The following DMD variants were observed in gnomAD, a reference collection of about 807,000 sequenced individuals.
The protein encoded by DMD is mutant dystrophin.
A neutral mutation model predicts 330.1 loss-of-function variants in DMD; 63 were observed. The observed-to-expected ratio is 0.19, with a 90% CI of 0.16 to 0.24. DMD has a LOEUF of 0.24. Among genes scored for constraint, DMD ranks in the 10% least tolerant of loss-of-function variants. The pLI, the probability that DMD is intolerant of heterozygous loss-of-function variation, is 1.00. For synonymous variants in DMD, 1,223 were observed against 959.8 expected (o/e 1.27, Z -5.07); for missense variants, 3,344 against 2,684.1 (o/e 1.25, Z -5.43).
intron 2 of DMD, among the ~76,000 whole-genome samples, chrX:32,974,483 C>T (rs985317926): frequency 3.6e-5 from 4 of 111,252 alleles, no homozygotes; most frequent in African/African-American, 1.3e-4. Flanking sequence ...TAACAAAATC[C>T]CCAGGATATC....
chrX:32,797,556 T>C (rs1569524018), intron 7 of DMD, among the ~76,000 whole-genome samples: 1 of 112,230 alleles, frequency 8.9e-6, no homozygotes, highest in Non-Finnish European at 1.9e-5. Context: ...ACCTAATATC[T>C]CATGTATTCC....
At chrX:32,412,348 G>T in intron 29 of DMD, 1 of 496,951 alleles carries the variant, frequency 2.0e-6, no homozygotes, top group Non-Finnish European at 3.0e-6. Flanking sequence ...TGAGATACAT[G>T]TACAATCTGT....
chrX:31,167,862 G>T (rs1443932985), intron 74 of DMD, among the ~76,000 whole-genome samples: 3 of 111,828 alleles, frequency 2.7e-5, no homozygotes, highest in African/African-American at 9.8e-5. Context: ...ATATGAAGAT[G>T]ATTAAGATAC....
At chrX:32,774,325 G>C (rs757762481) in intron 7 of DMD, among the ~76,000 whole-genome samples, 1 of 112,086 alleles carries the variant, frequency 8.9e-6, no homozygotes, top group East Asian at 2.8e-4. Context: ...AGCTGTTTAA[G>C]TCCACAGTCA....
chrX:32,223,857 G>A (rs769821368), intron 43 of DMD, among the ~76,000 whole-genome samples: 10 of 111,407 alleles, frequency 9.0e-5, no homozygotes, highest in Middle Eastern at 4.6e-3. Context: ...TTTATTGGCC[G>A]TTTGGATTTC....
At chrX:31,341,887 G>GCA (rs1569529198) in intron 61 of DMD, among the ~76,000 whole-genome samples, 6 of 67,288 alleles carry the variant, frequency 8.9e-5, no homozygotes, top group East Asian at 9.0e-4. Flanking sequence ...GTGCGTGCGC[G>GCA]CGCGCACACA....
At chrX:31,374,500 TGATGAGTTCATGTCCTTTGTAGGGACATG>T (rs1331405923) in intron 60 of DMD, among the ~76,000 whole-genome samples, 2 of 107,922 alleles carry the variant, frequency 1.9e-5, no homozygotes, top group Non-Finnish European at 3.8e-5. Flanking sequence ...CCATAAAAAA[TGATGAGTTCATGTCCTTTGTAGGGACATG>T]GATGAAATTG....
At chrX:32,288,303 ATTATAG>A (rs1196629517) in intron 42 of DMD, among the ~76,000 whole-genome samples, 1 of 111,797 alleles carries the variant, frequency 8.9e-6, no homozygotes. Context: ...TTTCAATTGA[ATTATAG>A]TAATTCAATT....
chrX:32,773,558 C>T (rs190243260), intron 7 of DMD, among the ~76,000 whole-genome samples: 281 of 104,849 alleles, frequency 2.7e-3, no homozygotes, highest in Non-Finnish European at 4.4e-3. Flanking sequence ...CCCTCCTTAT[C>T]CTGTCCTCCC....
chrX:32,960,977 G>A (rs2091868511), intron 2 of DMD, among the ~76,000 whole-genome samples: 1 of 106,466 alleles, frequency 9.4e-6, no homozygotes, highest in Non-Finnish European at 1.9e-5. Context: ...TACATTGAAC[G>A]TATTTACGTA....
At chrX:33,080,974 TCACACACACA>T (rs763162216) in intron 1 of DMD, among the ~76,000 whole-genome samples, 4 of 92,702 alleles carry the variant, frequency 4.3e-5, no homozygotes, top group Non-Finnish European at 6.6e-5. Context: ...TTTATAAACA[TCACACACACA>T]CACACACACA....
chrX:32,862,588 T>C (rs1035886913), intron 2 of DMD, among the ~76,000 whole-genome samples: 6 of 86,112 alleles, frequency 7.0e-5, no homozygotes, highest in African/African-American at 9.7e-5. Flanking sequence ...AAAGGAAATA[T>C]TAATAAAATT....
intron 1 of DMD, among the ~76,000 whole-genome samples, chrX:33,247,903 A>C (rs2052695757): frequency 8.9e-6 from 1 of 111,772 alleles, no homozygotes; most frequent in South Asian, 3.7e-4. Context: ...GTTATATCAA[A>C]ATTTACTCTC....
intron 1 of DMD, among the ~76,000 whole-genome samples, chrX:33,087,861 T>C (rs2095030917): frequency 9.0e-6 from 1 of 111,009 alleles, no homozygotes; most frequent in Non-Finnish European, 1.9e-5. Flanking sequence ...TCTTTATGAC[T>C]TCTTTATATT....
chrX:32,506,123 A>C (rs1420481425), intron 18 of DMD, among the ~76,000 whole-genome samples: 2 of 111,937 alleles, frequency 1.8e-5, no homozygotes, highest in African/African-American at 6.5e-5. Flanking sequence ...ATTTGTTTAA[A>C]CTCACAGAAT....
chrX:31,363,621 G>A (rs777240933), intron 60 of DMD, among the ~76,000 whole-genome samples: 12 of 110,821 alleles, frequency 1.1e-4, no homozygotes, highest in Non-Finnish European at 1.9e-4. Context: ...CTCGTGATCC[G>A]CCCACCTCGG....
chrX:32,694,650 TA>T (rs969132266), intron 9 of DMD, among the ~76,000 whole-genome samples: 3 of 101,302 alleles, frequency 3.0e-5, no homozygotes, highest in African/African-American at 1.4e-4. Flanking sequence ...TCATACCATT[TA>T]TTTTTTTTAT....
chrX:32,933,764 T>C (rs1602031151), intron 2 of DMD, among the ~76,000 whole-genome samples: 1 of 111,585 alleles, frequency 9.0e-6, no homozygotes, highest in East Asian at 2.8e-4. Context: ...GCAGCTGAAA[T>C]GAGACACGTT....
intron 32 of DMD, among the ~76,000 whole-genome samples, chrX:32,388,704 T>A (rs2144499): frequency 9.2e-6 from 1 of 108,711 alleles, no homozygotes; most frequent in South Asian, 3.9e-4. Context: ...TAAATAGACT[T>A]GTTTTCCCTT....
Sources: allele counts gnomAD v4.1 joint callset (sites outside exome capture counted in the v4.1 genomes callset), GRCh38; gene constraint gnomAD v4.1.1; transcripts MANE v1.5; gene names NCBI Gene and HGNC (gene_info 2026-07-23, HGNC 2026-07-21).